ZNF704: variants seen among roughly 807,000 people sequenced by gnomAD.
ZNF704 encodes glucocorticoid induced gene 1.
In ZNF704, 10 loss-of-function variants were observed where a neutral mutation model predicts 44.7. The ratio of observed to expected loss-of-function variants is 0.22; its 90% CI spans 0.14 to 0.38. The LOEUF (loss-of-function observed/expected upper bound fraction) is 0.38, where lower values mean the gene tolerates loss of function less well. ZNF704 is among the 10% of genes least tolerant of loss of function. ZNF704 has a pLI of 1.00. For missense variants in ZNF704, 390 were observed against 545.5 expected (o/e 0.71, Z 2.84); for synonymous variants, 211 against 207.6 (o/e 1.02, Z -0.14).
At chr8:80,690,871 TG>T (rs1177331277) in intron 3 of ZNF704, among the ~76,000 whole-genome samples, 1 of 152,178 alleles carries the variant, frequency 6.6e-6, no homozygotes, top group Non-Finnish European at 1.5e-5. Context: ...TACCTGGGTG[TG>T]GTGGCACATG....
chr8:80,813,640 G>A (rs1336373794), intron 2 of ZNF704, among the ~76,000 whole-genome samples: 1 of 152,200 alleles, frequency 6.6e-6, no homozygotes, highest in Non-Finnish European at 1.5e-5. Context: ...CACTTTGGGA[G>A]GCCGAGGCGG....
rs1198859817 is a variant in ZNF704, at chr8:80,874,210, G to A, written c.-22+361C>T. Among the ~76,000 whole-genome samples the A allele has an allele frequency of 6.8e-6, 1 of 146,080 alleles. No homozygotes were observed. The highest frequency in any genetic ancestry group is 2.5e-5 in the African/African-American group (1 of 40,708). ...GCTGCCACTGGCTGCAGAGGCGCGG[G>A]CGCCGCCTTCGCTGGACCGGCCGGC... On this transcript the variant is annotated intron_variant, in intron 1 of 8. Transcript: ENST00000327835. This position sits in a 1 kb window ranked among gnomAD's most constrained non-coding sequence, Gnocchi z 4.4.
At position 80,821,513 on chromosome 8, in the gene ZNF704, T is replaced by C. The variant is rs781255217; in HGVS notation, c.82A>G (p.Met28Val). ...TCTGCTGTTTTCACATCTTCCTCCATGGCCAAGGAAAACACGTGTTGATGA... is the reference window on the plus strand; with the variant it reads ...TCTGCTGTTTTCACATCTTCCTCCACGGCCAAGGAAAACACGTGTTGATGA... ...MSHQHVFSLA[M>V]EEDVKTADTK... Residue 28 changes from methionine to valine, a missense_variant, in exon 2 of 9, where the codon ATG becomes GTG. Physicochemically the swap from Met to Val is conservative, Grantham distance 21. Coordinates refer to ENST00000327835, the MANE Select transcript of ZNF704 (RefSeq NM_001033723.3). 20 of 1,614,028 alleles carry C rather than the reference T, an allele frequency of 1.2e-5. No individual in the cohort carries two copies. The East Asian group carries it at 3.3e-4, about 27-fold the overall frequency.
At chr8:80,700,345 A>C (rs1209448751) in intron 2 of ZNF704, among the ~76,000 whole-genome samples, 7 of 152,216 alleles carry the variant, frequency 4.6e-5, no homozygotes, top group African/African-American at 9.6e-5. Context: ...TTTAATCCCC[A>C]AAACCTCCAT....
At chr8:80,751,223 C>T (rs151161586) in intron 2 of ZNF704, among the ~76,000 whole-genome samples, 24 of 152,166 alleles carry the variant, frequency 1.6e-4, no homozygotes, top group East Asian at 3.9e-4. Context: ...ACTCTTAGGG[C>T]GCCCTTCCCT....
intron 3 of ZNF704, among the ~76,000 whole-genome samples, chr8:80,689,302 G>A (rs910396493): frequency 9.9e-5 from 15 of 152,134 alleles, no homozygotes; most frequent in Non-Finnish European, 1.5e-5. Context: ...CAAGCAAAAA[G>A]TTAAGTTAGA....
At chr8:80,831,489 GC>G (rs1808472187) in intron 1 of ZNF704, among the ~76,000 whole-genome samples, 1 of 152,136 alleles carries the variant, frequency 6.6e-6, no homozygotes, top group African/African-American at 2.4e-5. Flanking sequence ...ATAAATATGA[GC>G]TGATATTCTT....
At chr8:80,664,718 C>T (rs1374518026) in intron 6 of ZNF704, 97 bp downstream of exon 6, 7 of 1,460,456 alleles carry the variant, frequency 4.8e-6, no homozygotes, top group Non-Finnish European at 6.6e-6. Context: ...GTGTGTGATG[C>T]TGTTTTTCCA....
chr8:80,742,500 C>T (rs1233505223), intron 2 of ZNF704, among the ~76,000 whole-genome samples: 1 of 152,180 alleles, frequency 6.6e-6, no homozygotes, highest in African/African-American at 2.4e-5. Flanking sequence ...AACTATCAAG[C>T]AGATAGTCAA....
intron 2 of ZNF704, among the ~76,000 whole-genome samples, chr8:80,729,317 C>T (rs541532614): frequency 7.2e-5 from 11 of 152,184 alleles, no homozygotes; most frequent in African/African-American, 2.6e-4. Flanking sequence ...CCACAAAAGC[C>T]GGGTGGCCTC....
intron 1 of ZNF704, among the ~76,000 whole-genome samples, chr8:80,869,483 AATATACCCAC>A (rs1452529593): frequency 6.6e-6 from 1 of 152,148 alleles, no homozygotes. Flanking sequence ...CAATATAGAA[AATATACCCAC>A]ATCTGGACTC....
intron 2 of ZNF704, among the ~76,000 whole-genome samples, chr8:80,802,185 C>T (rs1485141067): frequency 6.9e-6 from 1 of 144,814 alleles, no homozygotes; most frequent in African/African-American, 2.6e-5. Flanking sequence ...GTAATAAACG[C>T]CTACCAACCA....
At chr8:80,794,126 AAGAG>A (rs1234154198) in intron 2 of ZNF704, among the ~76,000 whole-genome samples, 7 of 152,306 alleles carry the variant, frequency 4.6e-5, no homozygotes, top group Admixed American at 2.0e-4. Context: ...GCTACAAAAA[AAGAG>A]AGAGCCTAGG....
At chr8:80,730,538 TAAAAAAAA>T (rs148942015) in intron 2 of ZNF704, among the ~76,000 whole-genome samples, 4 of 63,966 alleles carry the variant, frequency 6.3e-5, no homozygotes, top group East Asian at 6.3e-4. Context: ...GACTACATCT[TAAAAAAAA>T]AAAAAAAAAA....
Position 80,874,086 on chromosome 8 carries a change from G to GT in ZNF704, c.-22+484dup, listed in dbSNP as rs1259473941. Among the ~76,000 whole-genome samples the GT allele has an allele frequency of 2.0e-5, 3 of 146,840 alleles. No individual in the cohort carries two copies. The highest frequency in any genetic ancestry group is 7.3e-5 in the African/African-American group (3 of 40,916). ...GCGGGCCGCGGCGCGGGGCCGGAGA[G>GT]TTTGTCACCTCCTCTTCCTCCTCTG... On this transcript the variant is annotated intron_variant, in intron 1 of 8. Coordinates refer to ENST00000327835, the MANE Select transcript of ZNF704 (RefSeq NM_001033723.3). This position sits in a 1 kb window ranked among gnomAD's most constrained non-coding sequence, Gnocchi z 4.4.
chr8:80,821,375 T>C lies in ZNF704; in HGVS notation c.220A>G (p.Arg74Gly). ...VSSNIDVPPARKSSEELDMDK... is the reference protein window; with the variant it reads ...VSSNIDVPPAGKSSEELDMDK... ...ATGTGAGATTTAATGTTCCCTTACC[T>C]TGCTGGAGGAACATCAATGTTGGAG... The change falls in exon 2 of 9, where the codon AGG becomes GGG. Residue 74 changes from arginine (R) to glycine (G), a missense_variant and splice_region_variant. Coordinates refer to ENST00000327835, the MANE Select transcript of ZNF704 (RefSeq NM_001033723.3). 1 of 1,613,532 alleles carries C rather than the reference T, an allele frequency of 6.2e-7. No homozygotes were observed. Among genetic ancestry groups the C allele is most frequent in the Non-Finnish European group, 8.5e-7 (1 of 1,179,686 alleles).
At position 80,640,049 on chromosome 8, in the gene ZNF704, A is replaced by G. The variant is rs1817719436; in HGVS notation, c.*1317T>C. 1.3e-5 allele frequency: 2 copies of G among 152,654 alleles called. No individual in the cohort carries two copies. The highest frequency in any genetic ancestry group is 2.1e-4 in the South Asian group (1 of 4,834). The allele number at this position is 152,654 out of a possible 1,614,324, so 9.5% of individuals were successfully genotyped here. A position where few individuals can be genotyped will look rare whatever the true frequency, so the allele number is the denominator to read the frequency against. On this transcript the variant is annotated 3_prime_UTR_variant, in exon 9 of 9. Transcript: ENST00000327835. ...AGTTACGAAGCCCAATAAATGGAAC[A>G]TAGTGCAAGCCCTGGCCCTACTAAA...
chr8:80,642,356 C>T (rs1342221994), intron 8 of ZNF704, among the ~76,000 whole-genome samples: 1 of 152,166 alleles, frequency 6.6e-6, no homozygotes, highest in Non-Finnish European at 1.5e-5. Flanking sequence ...TCTAGCCTCA[C>T]CACTCTTGCA....
intron 1 of ZNF704, among the ~76,000 whole-genome samples, chr8:80,823,791 G>A (rs1054228534): frequency 2.0e-5 from 3 of 152,204 alleles, no homozygotes; most frequent in African/African-American, 7.2e-5. Flanking sequence ...GCCTCCGCTG[G>A]TGATACCCAG....
Sources: allele counts gnomAD v4.1 joint callset (sites outside exome capture counted in the v4.1 genomes callset), GRCh38; gene constraint gnomAD v4.1.1; non-coding constraint Gnocchi (gnomAD v3.1); transcripts MANE v1.5; gene names NCBI Gene and HGNC (gene_info 2026-07-23, HGNC 2026-07-21).